ZFHX4: variants seen among roughly 807,000 people sequenced by gnomAD.
The protein encoded by ZFHX4 is zinc finger homeobox 4, also known as zinc finger homeobox protein 4.
ZFHX4 carries 56 observed loss-of-function variants against 267.6 expected under a neutral mutation model. The ratio of observed to expected loss-of-function variants is 0.21; its 90% CI spans 0.17 to 0.26. ZFHX4 has a LOEUF of 0.26. ZFHX4 is among the 10% of genes least tolerant of loss of function. The probability of loss-of-function intolerance (pLI) is 1.00; values close to 1 mark genes in which losing one functional copy is unlikely to be tolerated. For missense variants in ZFHX4, 4,332 were observed against 4,420.0 expected, an observed-to-expected ratio of 0.98 and a Z score of 0.56; for synonymous variants, 1,778 against 1,665.6, an observed-to-expected ratio of 1.07 and a Z score of -1.64.
At position 76,853,086 on chromosome 8, in the gene ZFHX4, C is replaced by A. The variant is rs1391810407; in HGVS notation, c.6165C>A (p.Pro2055=). The A allele has an allele frequency of 2.1e-6, 3 of 1,405,982 alleles. No individual in the cohort carries two copies. The highest frequency in any genetic ancestry group is 2.0e-5 in the Admixed American group (1 of 49,802). The allele number at this position is 1,405,982 out of a possible 1,614,324, so 87.1% of individuals were successfully genotyped here. ...PPPPPPPPPP[P]PPPPPPSAPP... ...CACCTCCTCCTCCTCCTCCTCCTCC[C>A]CCCCCACCTCCTCCACCTTCTGCTC... is the stretch of plus-strand genomic sequence containing the variant. Residue 2055 remains proline, a synonymous_variant, in exon 10 of 11, where the codon CCC becomes CCA. Coordinates refer to ENST00000651372, the MANE Select transcript of ZFHX4 (RefSeq NM_024721.5).
Position 76,853,212 on chromosome 8 carries a change from G to A in ZFHX4, c.6291G>A (p.Leu2097=). The change falls in exon 10 of 11, where the codon CTG becomes CTA. Residue 2097 remains leucine (L), a synonymous_variant. Transcript: ENST00000651372. ...CTGCGCTTCCTCCCCAGCTTGCCCT[G>A]CAGCTGCCACAGATGGACGCACTCT... ...QHPALPPQLA[L]QLPQMDALSA... is the part of the protein sequence containing the mutation. 1.3e-6 allele frequency: 2 copies of A among 1,563,804 alleles called. No homozygotes were observed. The highest frequency in any genetic ancestry group is 2.3e-5 in the South Asian group (2 of 85,266).
At chr8:76,777,304 T>C (rs1007103857) in intron 3 of ZFHX4, among the ~76,000 whole-genome samples, 2 of 152,108 alleles carry the variant, frequency 1.3e-5, no homozygotes, top group East Asian at 3.9e-4. Context: ...AAAATCAGAA[T>C]TTAAGAGGAT....
In ZFHX4 at chr8:76,708,006, T is replaced by C; in HGVS notation, c.3051T>C (p.His1017=). ...YTNSVDKLRL[H]TTNHRHEAAL... is the part of the protein sequence containing the mutation. ...ACAGTGTGGATAAATTACGCTTGCA[T>C]ACCACCAATCACAGGCACGAGGCGG... Residue 1017 remains histidine (H), a synonymous_variant, in exon 3 of 11, where the codon CAT becomes CAC. Transcript: ENST00000651372. 6.2e-7 allele frequency: 1 copy of C among 1,613,912 alleles called. No individual in the cohort carries two copies. Among genetic ancestry groups the C allele is most frequent in the Non-Finnish European group, 8.5e-7 (1 of 1,179,898 alleles).
intron 4 of ZFHX4, 96 bp downstream of exon 4, chr8:76,778,535 C>T: frequency 9.7e-7 from 1 of 1,031,098 alleles, no homozygotes; most frequent in Non-Finnish European, 1.5e-6. Context: ...GCCTCAAACT[C>T]TCCAACTCGA....
intron 4 of ZFHX4, among the ~76,000 whole-genome samples, chr8:76,786,461 A>C (rs1810694986): frequency 6.6e-6 from 1 of 151,478 alleles, no homozygotes; most frequent in African/African-American, 2.4e-5. Context: ...TATAACACAT[A>C]GTTCAATGGA....
intron 4 of ZFHX4, among the ~76,000 whole-genome samples, chr8:76,789,987 C>T (rs962799749): frequency 7.9e-5 from 12 of 151,922 alleles, no homozygotes; most frequent in African/African-American, 2.4e-4. Context: ...TGTAACATGC[C>T]GGTAACTTCT....
intron 10 of ZFHX4, 193 bp downstream of exon 10, chr8:76,856,493 A>G (rs562126906): frequency 1.5e-4 from 101 of 657,526 alleles, no homozygotes; most frequent in African/African-American, 1.5e-3. Flanking sequence ...ACACACAGAA[A>G]AATAAAGACT....
At chr8:76,789,531 A>G (rs1810780227) in intron 4 of ZFHX4, among the ~76,000 whole-genome samples, 1 of 152,190 alleles carries the variant, frequency 6.6e-6, no homozygotes, top group Admixed American at 6.5e-5. Context: ...TACATTTAGC[A>G]TTTAACCAGT....
Position 76,852,939 on chromosome 8 carries a change from A to ACCT in ZFHX4, c.6030_6032dup (p.Pro2011dup). 5.1e-6 allele frequency: 8 copies of ACCT among 1,581,964 alleles called. No individual in the cohort carries two copies. The Middle Eastern group carries it at 1.2e-3, about 230-fold the overall frequency. On this transcript the variant is annotated inframe_insertion, in exon 10 of 11. Coordinates refer to ENST00000651372, the MANE Select transcript of ZFHX4 (RefSeq NM_024721.5). Reference sequence around the variant, plus strand: ...CTTCTCCAGAAACGCCGCCCCCGCCACCTCCTCCTCCTCCCTTGCCTCCGG... The same window carrying ACCT: ...CTTCTCCAGAAACGCCGCCCCCGCCACCTCCTCCTCCTCCTCCCTTGCCTCCGG...
chr8:76,855,775 C>G lies in ZFHX4; in HGVS notation c.8854C>G (p.Arg2952Gly). The G allele has an allele frequency of 6.2e-7, 1 of 1,613,884 alleles. No individual in the cohort carries two copies. The highest frequency in any genetic ancestry group is 8.5e-7 in the Non-Finnish European group (1 of 1,179,870). The change falls in exon 10 of 11, where the codon CGA becomes GGA. Residue 2952 changes from arginine (R) to glycine (G), a missense_variant. This residue lies in a region of ZFHX4 where 1,648 missense variants were observed against 1,625.0 expected (regional missense o/e 1.01). Transcript: ENST00000651372. ...TCTCAAGGCTTGCTTTAGTGACTAC[C>G]GAACTCCAACCATGCAAGAATGTGA... ...KVLKACFSDY[R>G]TPTMQECEML...
chr8:76,745,781 A>T (rs192723336), intron 3 of ZFHX4, among the ~76,000 whole-genome samples: 24 of 152,330 alleles, frequency 1.6e-4, no homozygotes, highest in African/African-American at 5.5e-4. Flanking sequence ...TTAATGATTA[A>T]AATAGCATTG....
rs1312020899 is a variant in ZFHX4 at position 76,865,420 on chromosome 8, A to G, written c.*855A>G. ...ATTTTTCATTTGTGAATTTAATGCTATACTGTCAAGGTACTTGCTTGTGTC... is the reference window on the plus strand; with the variant it reads ...ATTTTTCATTTGTGAATTTAATGCTGTACTGTCAAGGTACTTGCTTGTGTC... On this transcript the variant is annotated 3_prime_UTR_variant, in exon 11 of 11. Transcript: ENST00000651372. 6.6e-6 allele frequency: 1 copy of G among 152,428 alleles called. No homozygotes were observed. Among genetic ancestry groups the G allele is most frequent in the Non-Finnish European group, 1.5e-5 (1 of 68,020 alleles). 9.4% of individuals were successfully genotyped at this position (152,428 alleles called of 1,614,324 possible). A position where few individuals can be genotyped will look rare whatever the true frequency, so the allele number is the denominator to read the frequency against.
rs1314933559 is a variant in ZFHX4 at position 76,854,519 on chromosome 8, T to C, written c.7598T>C (p.Met2533Thr). The C allele has an allele frequency of 2.0e-5, 33 of 1,613,778 alleles. No individual in the cohort carries two copies. The highest frequency in any genetic ancestry group is 2.7e-5 in the Non-Finnish European group (32 of 1,179,870). The change falls in exon 10 of 11, where the codon ATG becomes ACG. Residue 2533 changes from methionine to threonine, a missense_variant. Met to Thr is a moderately conservative substitution (Grantham distance 81). Transcript: ENST00000651372. ...FLHSPFLERP[M>T]DMPYMIFDPN... ...CACTCTCCGTTCTTGGAAAGGCCCATGGACATGCCCTACATGATATTTGAC... is the reference window on the plus strand; with the variant it reads ...CACTCTCCGTTCTTGGAAAGGCCCACGGACATGCCCTACATGATATTTGAC...
At chr8:76,773,122 T>A (rs576635953) in intron 3 of ZFHX4, among the ~76,000 whole-genome samples, 2 of 152,304 alleles carry the variant, frequency 1.3e-5, no homozygotes, top group South Asian at 4.1e-4. Flanking sequence ...GCACACTAAT[T>A]GTTTGTGAAA....
intron 3 of ZFHX4, among the ~76,000 whole-genome samples, chr8:76,761,069 A>G (rs2131729659): frequency 6.6e-6 from 1 of 152,274 alleles, no homozygotes; most frequent in Non-Finnish European, 1.5e-5. Context: ...CACAAGGGAA[A>G]AGTGTCCTGT....
At chr8:76,714,378 T>C (rs1808510178) in intron 3 of ZFHX4, among the ~76,000 whole-genome samples, 1 of 152,202 alleles carries the variant, frequency 6.6e-6, no homozygotes. Flanking sequence ...GTGGTTCTGC[T>C]TCCAGAACAT....
intron 1 of ZFHX4, among the ~76,000 whole-genome samples, chr8:76,696,204 A>T (rs776791971): frequency 6.6e-6 from 1 of 152,134 alleles, no homozygotes; most frequent in Non-Finnish European, 1.5e-5. Context: ...ACTAATCTTA[A>T]ATTGCTTATT....
chr8:76,715,521 G>A (rs998689888), intron 3 of ZFHX4, among the ~76,000 whole-genome samples: 5 of 140,946 alleles, frequency 3.5e-5, no homozygotes, highest in Admixed American at 2.9e-4. Context: ...AATGCAAAAT[G>A]TGTCTAATTA....
Position 76,718,582 on chromosome 8 carries a change from A to T in ZFHX4, c.3093+10534A>T, listed in dbSNP as rs545995840. 1.4e-3 allele frequency among the ~76,000 whole-genome samples: 207 copies of T among 152,296 alleles called. 2 individuals carry two copies. Among genetic ancestry groups the T allele is most frequent in the Non-Finnish European group, 2.1e-3 (145 of 68,020 alleles). On this transcript the variant is annotated intron_variant, in intron 3 of 10. Coordinates refer to ENST00000651372, the MANE Select transcript of ZFHX4 (RefSeq NM_024721.5). Reference sequence around the variant, plus strand: ...AAATAGGTGCAAGGGGAATTTACAAATAACTTTTTTTCAGAGAAAAATAGT... The same window carrying T: ...AAATAGGTGCAAGGGGAATTTACAATTAACTTTTTTTCAGAGAAAAATAGT...
Sources: allele counts gnomAD v4.1 joint callset (sites outside exome capture counted in the v4.1 genomes callset), GRCh38; gene constraint gnomAD v4.1.1; regional missense constraint gnomAD v4.1.1; transcripts MANE v1.5; gene names NCBI Gene and HGNC (gene_info 2026-07-23, HGNC 2026-07-21).